TSPAN12: variants seen among roughly 807,000 people sequenced by gnomAD.
The protein encoded by TSPAN12 is tetraspanin 12.
A neutral mutation model predicts 39.2 loss-of-function variants in TSPAN12; 19 were observed. The ratio of observed to expected loss-of-function variants is 0.49; its 90% CI spans 0.34 to 0.71. The LOEUF (loss-of-function observed/expected upper bound fraction) is 0.71, where lower values mean the gene tolerates loss of function less well. Among genes scored for constraint, TSPAN12 ranks in the 30% least tolerant of loss-of-function variants. The pLI is 0.01. For synonymous variants in TSPAN12, 119 were observed against 124.8 expected, an observed-to-expected ratio of 0.95 and a Z score of 0.31; for missense variants, 314 against 359.9, an observed-to-expected ratio of 0.87 and a Z score of 1.03.
intron 4 of TSPAN12, 109 bp downstream of exon 4, chr7:120,838,668 G>T: frequency 8.6e-7 from 1 of 1,158,034 alleles, no homozygotes. Context: ...CCTTCTTACA[G>T]GATGTTGTTA....
intron 7 of TSPAN12, among the ~76,000 whole-genome samples, chr7:120,791,022 T>A (rs964342684): frequency 6.6e-6 from 1 of 152,120 alleles, no homozygotes; most frequent in African/African-American, 2.4e-5. Context: ...ATAATTATAA[T>A]AGATTTCAGA....
intron 4 of TSPAN12, among the ~76,000 whole-genome samples, chr7:120,817,156 T>C (rs1794100260): frequency 6.6e-6 from 1 of 152,026 alleles, no homozygotes; most frequent in African/African-American, 2.4e-5. Flanking sequence ...GGAGGGTCAC[T>C]TGAGTCCAGG....
At chr7:120,797,016 G>T (rs1562937246) in intron 7 of TSPAN12, among the ~76,000 whole-genome samples, 2 of 152,272 alleles carry the variant, frequency 1.3e-5, no homozygotes, top group East Asian at 3.9e-4. Context: ...AATTAGCCAG[G>T]TGTGGTGGCA....
chr7:120,846,925 C>T (rs1046884255), intron 2 of TSPAN12, among the ~76,000 whole-genome samples: 1 of 152,152 alleles, frequency 6.6e-6, no homozygotes, highest in Admixed American at 6.6e-5. Flanking sequence ...TTGAAAATAA[C>T]CTTCTGGTCA....
intron 7 of TSPAN12, among the ~76,000 whole-genome samples, chr7:120,796,641 C>T (rs995826199): frequency 2.0e-5 from 3 of 152,144 alleles, no homozygotes; most frequent in African/African-American, 7.2e-5. Flanking sequence ...CATGTAGTCA[C>T]CATCTCAAAA....
At position 120,815,814 on chromosome 7, in the gene TSPAN12, A is replaced by C; in HGVS notation, c.286-11T>G. ...CAAACTTCCAAAGTACTGTAGAAAA[A>C]CAGAAAAGTATGCTGTTATAGTATC... On this transcript the variant is annotated splice_polypyrimidine_tract_variant and intron_variant, in intron 4 of 7. Transcript: ENST00000222747. 1 of 1,609,240 alleles carries C rather than the reference A, an allele frequency of 6.2e-7. No homozygotes were observed. The highest frequency in any genetic ancestry group is 8.5e-7 in the Non-Finnish European group (1 of 1,177,692).
intron 4 of TSPAN12, among the ~76,000 whole-genome samples, chr7:120,833,726 TCTC>T: frequency 6.6e-6 from 1 of 152,296 alleles, no homozygotes; most frequent in East Asian, 1.9e-4. Flanking sequence ...CAAATGATGA[TCTC>T]CTGATGGTGA....
At position 120,819,650 on chromosome 7, in the gene TSPAN12, C is replaced by T. The variant is rs78880534; in HGVS notation, c.286-3847G>A. Among the ~76,000 whole-genome samples the T allele has an allele frequency of 3.1e-3, 478 of 152,242 alleles. 3 individuals carry two copies. Among genetic ancestry groups the T allele is most frequent in the African/African-American group, 0.011 (459 of 41,560 alleles). ...TTTTTAAAATGATGTTGCAGCTTCA[C>T]GGTCAGCTGTCTTTTCTTTGTTGTT... On this transcript the variant is annotated intron_variant, in intron 4 of 7. Coordinates refer to ENST00000222747, the MANE Select transcript of TSPAN12 (RefSeq NM_012338.4).
At chr7:120,857,234 C>T in intron 1 of TSPAN12, 1 of 272,292 alleles carries the variant, frequency 3.7e-6, no homozygotes, top group South Asian at 4.1e-5. Flanking sequence ...GCCCCCTACC[C>T]CGGACACGTC....
At chr7:120,836,185 A>T (rs1794472897) in intron 4 of TSPAN12, among the ~76,000 whole-genome samples, 1 of 152,180 alleles carries the variant, frequency 6.6e-6, no homozygotes. Flanking sequence ...GGATGTGGGG[A>T]GGAAGCCAGA....
intron 2 of TSPAN12, among the ~76,000 whole-genome samples, chr7:120,841,772 G>A (rs768189501): frequency 1.9e-4 from 29 of 152,088 alleles, no homozygotes; most frequent in Non-Finnish European, 2.6e-4. Flanking sequence ...AACCATGACC[G>A]GTAGAAGTTA....
At chr7:120,825,651 C>T (rs541163398) in intron 4 of TSPAN12, among the ~76,000 whole-genome samples, 8 of 152,144 alleles carry the variant, frequency 5.3e-5, no homozygotes, top group African/African-American at 1.4e-4. Context: ...TTTCCTTTCC[C>T]GGTGATTGGA....
At chr7:120,795,438 T>C (rs1037776741) in intron 7 of TSPAN12, among the ~76,000 whole-genome samples, 2 of 152,224 alleles carry the variant, frequency 1.3e-5, no homozygotes, top group African/African-American at 4.8e-5. Flanking sequence ...GGATGCCTCA[T>C]TTCACTTGAG....
intron 2 of TSPAN12, among the ~76,000 whole-genome samples, chr7:120,840,805 G>A (rs561993448): frequency 8.5e-5 from 13 of 152,244 alleles, no homozygotes; most frequent in African/African-American, 2.6e-4. Flanking sequence ...ACTTTTTATG[G>A]AAGAATTTCT....
At chr7:120,839,712 T>C (rs1396234967) in intron 3 of TSPAN12, among the ~76,000 whole-genome samples, 1 of 152,184 alleles carries the variant, frequency 6.6e-6, no homozygotes, top group Non-Finnish European at 1.5e-5. Flanking sequence ...GACGGTAATT[T>C]TCTTAGGGAA....
At chr7:120,838,998 TTAATA>T in intron 3 of TSPAN12, 86 bp from the exon 4 acceptor site, 1 of 1,383,156 alleles carries the variant, frequency 7.2e-7, no homozygotes, top group Non-Finnish European at 1.0e-6. Context: ...GTGATTTGTG[TTAATA>T]ATTCTTTCAA....
At chr7:120,814,306 T>C (rs1794039078) in intron 5 of TSPAN12, 1 of 455,554 alleles carries the variant, frequency 2.2e-6, no homozygotes, top group Non-Finnish European at 4.4e-6. Flanking sequence ...CTTTAAAATG[T>C]TGAAGATGCA....
At chr7:120,802,911 A>G (rs1436200866) in intron 7 of TSPAN12, among the ~76,000 whole-genome samples, 1 of 152,186 alleles carries the variant, frequency 6.6e-6, no homozygotes, top group Non-Finnish European at 1.5e-5. Context: ...TGGGTCAGGG[A>G]CCATGCAGGC....
chr7:120,853,622 C>T (rs1243327499), intron 2 of TSPAN12, among the ~76,000 whole-genome samples: 1 of 150,064 alleles, frequency 6.7e-6, no homozygotes, highest in Non-Finnish European at 1.5e-5. Flanking sequence ...CACCTGTAAT[C>T]CCAGCACTTT....
Sources: gnomAD v4.1 joint callset for allele counts (sites outside exome capture counted in the v4.1 genomes callset) on GRCh38, gnomAD v4.1.1 for gene constraint, MANE v1.5 for transcripts, NCBI Gene and HGNC (gene_info 2026-07-23, HGNC 2026-07-21) for gene names.